Variants in RARB observed in about 807,000 individuals in gnomAD.
RARB encodes the protein HBV-activated protein.
RARB carries 17 observed loss-of-function variants against 51.9 expected under a neutral mutation model. The observed-to-expected ratio is 0.33, with a 90% CI of 0.22 to 0.49. The LOEUF is 0.49. Ranked by LOEUF, RARB falls within the 20% of genes least tolerant of loss-of-function variation. RARB has a pLI of 0.99. For synonymous variants in RARB, 215 were observed against 195.4 expected, an observed-to-expected ratio of 1.10 and a Z score of -0.84; for missense variants, 369 against 550.8, an observed-to-expected ratio of 0.67 and a Z score of 3.30.
intron 5 of RARB, among the ~76,000 whole-genome samples, chr3:25,383,075 G>A (rs1706678244): frequency 6.6e-6 from 1 of 152,144 alleles, no homozygotes; most frequent in Admixed American, 6.5e-5. Context: ...TGCTATTGAT[G>A]CATCTACTAT....
chr3:25,479,146 G>A (rs1017350489), intron 2 of RARB, among the ~76,000 whole-genome samples: 2 of 151,692 alleles, frequency 1.3e-5, no homozygotes, highest in African/African-American at 4.8e-5. Context: ...TTGTCTGTCT[G>A]TCTGTCTTCT....
chr3:25,248,094 T>C (rs1702612844), intron 5 of RARB, among the ~76,000 whole-genome samples: 1 of 152,208 alleles, frequency 6.6e-6, no homozygotes, highest in South Asian at 2.1e-4. Context: ...TTTTATTTCC[T>C]CTTGCTGGAC....
intron 5 of RARB, among the ~76,000 whole-genome samples, chr3:25,231,054 CT>C (rs933169724): frequency 6.6e-6 from 1 of 152,002 alleles, no homozygotes; most frequent in Non-Finnish European, 1.5e-5. Context: ...ACAGAATGTG[CT>C]TTGTAAGTTT....
chr3:25,575,600 C>T (rs140103547), intron 4 of RARB, among the ~76,000 whole-genome samples: 191 of 152,230 alleles, frequency 1.3e-3, no homozygotes, highest in African/African-American at 4.4e-3. Flanking sequence ...ACCAATCCTC[C>T]GTCTTCTCAT....
chr3:24,986,287 AAT>A (rs1238551118), intron 2 of RARB, among the ~76,000 whole-genome samples: 3 of 152,246 alleles, frequency 2.0e-5, no homozygotes, highest in African/African-American at 4.8e-5. Context: ...AAATATGCAA[AAT>A]ATGTGTTATT....
intron 5 of RARB, among the ~76,000 whole-genome samples, chr3:25,339,880 A>G (rs540124682): frequency 1.4e-4 from 22 of 152,312 alleles, no homozygotes; most frequent in South Asian, 4.1e-4. Flanking sequence ...ACAAAACTGC[A>G]TAAAACTTGC....
At chr3:24,980,103 CTCG>C (rs1166289596) in intron 2 of RARB, among the ~76,000 whole-genome samples, 1 of 152,180 alleles carries the variant, frequency 6.6e-6, no homozygotes, top group Non-Finnish European at 1.5e-5. Context: ...GGCCCCCACT[CTCG>C]TCTTGTTTGT....
chr3:25,069,271 G>T (rs1698723550), intron 3 of RARB, among the ~76,000 whole-genome samples: 1 of 151,922 alleles, frequency 6.6e-6, no homozygotes, highest in Admixed American at 6.5e-5. Context: ...GATATTGAGG[G>T]AACTTGAAAA....
At chr3:25,126,266 C>T (rs1457892331) in intron 3 of RARB, among the ~76,000 whole-genome samples, 1 of 152,186 alleles carries the variant, frequency 6.6e-6, no homozygotes, top group Admixed American at 6.5e-5. Flanking sequence ...GACCACAAAA[C>T]CCTGAAGCCT....
chr3:25,298,149 C>T (rs1165297668), intron 5 of RARB, among the ~76,000 whole-genome samples: 1 of 151,260 alleles, frequency 6.6e-6, no homozygotes, highest in Non-Finnish European at 1.5e-5. Flanking sequence ...ACTATGTAAA[C>T]ACTCACGTAA....
intron 2 of RARB, among the ~76,000 whole-genome samples, chr3:24,934,309 G>GT (rs1399840600): frequency 1.3e-5 from 2 of 152,128 alleles, no homozygotes; most frequent in Non-Finnish European, 2.9e-5. Flanking sequence ...GGTTGGAAGA[G>GT]TTACCGGCAC....
At chr3:25,382,329 G>A (rs1366241965) in intron 5 of RARB, among the ~76,000 whole-genome samples, 5 of 152,144 alleles carry the variant, frequency 3.3e-5, no homozygotes, top group Middle Eastern at 3.2e-3. Flanking sequence ...CTCCTTTGAG[G>A]CATGTTTACA....
intron 5 of RARB, among the ~76,000 whole-genome samples, chr3:25,307,804 G>A (rs887921504): frequency 3.3e-5 from 5 of 152,124 alleles, no homozygotes; most frequent in African/African-American, 1.2e-4. Flanking sequence ...TCTATAGTAG[G>A]GGGTTGCAAA....
chr3:25,441,826 G>T (rs1708699376), intron 1 of RARB, among the ~76,000 whole-genome samples: 1 of 152,104 alleles, frequency 6.6e-6, no homozygotes, highest in Non-Finnish European at 1.5e-5. Context: ...GAGAGTCTTT[G>T]AGTTCAGGTA....
intron 5 of RARB, among the ~76,000 whole-genome samples, chr3:25,259,464 C>G (rs1327705279): frequency 1.3e-5 from 2 of 152,166 alleles, no homozygotes; most frequent in African/African-American, 4.8e-5. Context: ...TCTCCATTCT[C>G]TCTTCCCTTT....
chr3:25,090,120 A>G (rs1386799202), intron 3 of RARB, among the ~76,000 whole-genome samples: 2 of 152,178 alleles, frequency 1.3e-5, no homozygotes, highest in East Asian at 3.8e-4. Context: ...AACTCTGAAG[A>G]ATTAAAAATC....
intron 3 of RARB, among the ~76,000 whole-genome samples, chr3:25,503,298 C>CAAAACA (rs1380204264): frequency 5.3e-5 from 8 of 152,200 alleles, no homozygotes; most frequent in African/African-American, 1.4e-4. Context: ...ACCTTCTGCT[C>CAAAACA]TAGTTTTGGT....
At chr3:25,143,620 T>G (rs1216924955) in intron 4 of RARB, among the ~76,000 whole-genome samples, 1 of 152,162 alleles carries the variant, frequency 6.6e-6, no homozygotes, top group African/African-American at 2.4e-5. Flanking sequence ...CCTCTGTAGG[T>G]CTTTACATCT....
At chr3:25,165,330 A>G (rs1700542614) in intron 4 of RARB, among the ~76,000 whole-genome samples, 1 of 151,744 alleles carries the variant, frequency 6.6e-6, no homozygotes. Flanking sequence ...GCTTTTCTGT[A>G]TACATTTCCA....
Sources: allele counts gnomAD v4.1 joint callset (sites outside exome capture counted in the v4.1 genomes callset), GRCh38; gene constraint gnomAD v4.1.1; transcripts MANE v1.5; gene names NCBI Gene and HGNC (gene_info 2026-07-23, HGNC 2026-07-21).